The following NPHS2 variants were observed in gnomAD, a reference collection of about 807,000 sequenced individuals.
The protein encoded by NPHS2 is podocin.
Under a neutral mutation model 37.1 loss-of-function variants are expected in NPHS2, and 36 were observed. That is an observed-to-expected ratio of 0.97 (90% CI 0.74 to 1.28). The LOEUF (loss-of-function observed/expected upper bound fraction) is 1.28, where lower values mean the gene tolerates loss of function less well. Among genes scored for constraint, NPHS2 ranks in the 50% most tolerant of loss-of-function variants. NPHS2 has a pLI of 0.00. For synonymous variants in NPHS2, 196 were observed against 189.3 expected, an observed-to-expected ratio of 1.04 and a Z score of -0.29; for missense variants, 447 against 488.1, an observed-to-expected ratio of 0.92 and a Z score of 0.79.
At chr1:179,572,719 G>C (rs1674608796) in intron 1 of NPHS2, among the ~76,000 whole-genome samples, 1 of 152,124 alleles carries the variant, frequency 6.6e-6, no homozygotes, top group African/African-American at 2.4e-5. Flanking sequence ...CTAAAAATTA[G>C]GAAATGGTAG....
intron 7 of NPHS2, 88 bp from the exon 8 acceptor site, chr1:179,551,539 T>C: frequency 6.7e-7 from 1 of 1,490,468 alleles, no homozygotes; most frequent in Non-Finnish European, 9.3e-7. Flanking sequence ...AGACAAGCAC[T>C]GAGCATCTAC....
At chr1:179,554,876 T>A in intron 5 of NPHS2, 1 of 340,814 alleles carries the variant, frequency 2.9e-6, no homozygotes, top group Non-Finnish European at 5.5e-6. Context: ...TCCTGGATTA[T>A]CCAGGTGGCC....
At chr1:179,554,051 TA>T (rs1422640995) in intron 6 of NPHS2, among the ~76,000 whole-genome samples, 1 of 152,062 alleles carries the variant, frequency 6.6e-6, no homozygotes, top group African/African-American at 2.4e-5. Context: ...TAGCTGGGAT[TA>T]CAGGCATGTG....
intron 1 of NPHS2, among the ~76,000 whole-genome samples, chr1:179,568,199 G>T (rs1301608990): frequency 6.6e-6 from 1 of 151,990 alleles, no homozygotes; most frequent in Non-Finnish European, 1.5e-5. Context: ...TTTTTTGGTT[G>T]GTAGGCTATT....
At chr1:179,575,332 T>C (rs1674715446) in intron 1 of NPHS2, among the ~76,000 whole-genome samples, 1 of 152,144 alleles carries the variant, frequency 6.6e-6, no homozygotes, top group Admixed American at 6.5e-5. Flanking sequence ...CCCCAACCTG[T>C]ACCACACTCG....
intron 2 of NPHS2, among the ~76,000 whole-genome samples, chr1:179,562,399 CT>C (rs562374893): frequency 4.3e-4 from 65 of 152,166 alleles, no homozygotes; most frequent in African/African-American, 1.5e-3. Flanking sequence ...CGGAATTAAT[CT>C]TTTTTTTCTC....
chr1:179,567,289 G>T (rs1304317479), intron 1 of NPHS2, among the ~76,000 whole-genome samples: 4 of 152,132 alleles, frequency 2.6e-5, no homozygotes, highest in African/African-American at 7.2e-5. Flanking sequence ...CACGTCCCTT[G>T]TAAGTTGGAT....
intron 4 of NPHS2, among the ~76,000 whole-genome samples, chr1:179,559,386 G>T (rs545939911): frequency 9.9e-5 from 15 of 152,234 alleles, no homozygotes; most frequent in Admixed American, 9.2e-4. Context: ...AAAGTTCTTT[G>T]CCCATTTTTA....
Position 179,564,727 on chromosome 1 carries a change from A to G in NPHS2, c.341T>C (p.Ile114Thr), listed in dbSNP as rs755188892. ...CCAGATGGAAAAAGGGAAGGTCATG[A>G]TGATGAAGAGCAGGGAAATGAGGAC... ...LLVLISLLFI[I>T]MTFPFSIWFC... Residue 114 changes from isoleucine to threonine, a missense_variant, in exon 2 of 8, where the codon ATC (isoleucine) becomes ACC (threonine). By Grantham distance (89) the Ile-to-Thr change is moderately conservative. Transcript: ENST00000367615. 1.9e-6 allele frequency: 3 copies of G among 1,614,052 alleles called. No homozygotes were observed. The African/African-American group carries it at 4.0e-5, about 22-fold the overall frequency.
chr1:179,575,759 GGC>G lies in NPHS2; in HGVS notation c.104_105del (p.Gly35AlafsTer34). 1 of 1,494,490 alleles carries G rather than the reference GGC, an allele frequency of 6.7e-7. No homozygotes were observed. 92.6% of individuals were successfully genotyped at this position (1,494,490 alleles called of 1,614,324 possible). A position where few individuals can be genotyped will look rare whatever the true frequency, so the allele number is the denominator to read the frequency against. On this transcript the variant is annotated frameshift_variant, in exon 1 of 8. Transcript: ENST00000367615. LOFTEE classifies it high-confidence loss of function. ...TCGGGCCCAGCCTCCTGGCGCCCGC[GGC>G]CTCCGCCGCTCCTCTCGGCCTTTGC... ...KRAKAERSGG[G>X]RGRQEAGPEP...
intron 1 of NPHS2, among the ~76,000 whole-genome samples, chr1:179,569,952 C>G (rs542240612): frequency 2.2e-4 from 33 of 152,304 alleles, no homozygotes; most frequent in Admixed American, 1.9e-3. Context: ...GTAACTCGAC[C>G]TTTCTCTCTG....
chr1:179,568,396 G>T (rs1674418008), intron 1 of NPHS2, among the ~76,000 whole-genome samples: 1 of 152,130 alleles, frequency 6.6e-6, no homozygotes, highest in Non-Finnish European at 1.5e-5. Context: ...GATAGGTGGT[G>T]ATATCCTCTT....
At chr1:179,558,303 G>A (rs1380387922) in intron 4 of NPHS2, among the ~76,000 whole-genome samples, 1 of 151,994 alleles carries the variant, frequency 6.6e-6, no homozygotes, top group Admixed American at 6.6e-5. Flanking sequence ...ACTACTCTAG[G>A]TGCTTCATAT....
intron 2 of NPHS2, among the ~76,000 whole-genome samples, chr1:179,563,721 TA>T (rs1369640216): frequency 5.9e-5 from 9 of 152,182 alleles, no homozygotes; most frequent in African/African-American, 2.2e-4. Context: ...ACCAATGGGT[TA>T]AAGAAGAAAT....
rs567785168 is a variant in NPHS2 at position 179,565,408 on chromosome 1, A to G, written c.275-615T>C. Among the ~76,000 whole-genome samples the G allele has an allele frequency of 2.6e-5, 4 of 152,324 alleles. No homozygotes were observed. The East Asian group carries it at 7.7e-4, about 29-fold the overall frequency. On this transcript the variant is annotated intron_variant, in intron 1 of 7. Transcript: ENST00000367615. ...CTTAGGCAAGGCGTATGACCTTTTC[A>G]CGCCTCAGTTTCTTCACTATATTAT...
chr1:179,557,203 C>A lies in NPHS2; in HGVS notation c.562G>T (p.Glu188Ter), dbSNP rs757665750. 2 of 1,613,908 alleles carry A rather than the reference C, an allele frequency of 1.2e-6. No homozygotes were observed. The highest frequency in any genetic ancestry group is 2.2e-5 in the South Asian group (2 of 91,066). Reference protein sequence around the residue: ...EIVTKDMFIMEIDAICYYRME... With the variant: ...EIVTKDMFIM ...CGGTAGTAGCAAATGGCATCTATCTCCATTATAAACATGTCTTTGGTCACG... is the reference window on the plus strand; with the variant it reads ...CGGTAGTAGCAAATGGCATCTATCTACATTATAAACATGTCTTTGGTCACG... Residue 188 changes from glutamate (E) to a stop codon, truncating the protein, a stop_gained, in exon 5 of 8, where the codon GAG (glutamate) becomes TAG (stop). Transcript: ENST00000367615. LOFTEE classifies it high-confidence loss of function.
intron 1 of NPHS2, among the ~76,000 whole-genome samples, chr1:179,566,926 C>A (rs556977242): frequency 1.3e-5 from 2 of 152,052 alleles, no homozygotes; most frequent in East Asian, 3.9e-4. Flanking sequence ...TGGTCTATAC[C>A]TCTGTTTTGG....
intron 7 of NPHS2, chr1:179,551,669 A>G (rs1235558741): frequency 3.5e-6 from 2 of 578,296 alleles, no homozygotes; most frequent in Non-Finnish European, 6.1e-6. Context: ...AGGAGCCATC[A>G]CAAGTATAAA....
At chr1:179,558,344 G>A (rs1476566820) in intron 4 of NPHS2, among the ~76,000 whole-genome samples, 2 of 152,152 alleles carry the variant, frequency 1.3e-5, no homozygotes, top group Non-Finnish European at 2.9e-5. Context: ...TTGTGTGTGT[G>A]TGTGATTGGC....
Sources: gnomAD v4.1 joint callset for allele counts (sites outside exome capture counted in the v4.1 genomes callset) on GRCh38, gnomAD v4.1.1 for gene constraint, MANE v1.5 for transcripts, NCBI Gene and HGNC (gene_info 2026-07-23, HGNC 2026-07-21) for gene names.